NGEF: variants seen among roughly 807,000 people sequenced by gnomAD.
NGEF encodes ephexin-1.
NGEF carries 31 observed loss-of-function variants against 80.9 expected under a neutral mutation model. That is an observed-to-expected ratio of 0.38 (90% CI 0.29 to 0.52). The LOEUF (loss-of-function observed/expected upper bound fraction) is 0.52. Ranked by LOEUF, NGEF falls within the 20% of genes least tolerant of loss-of-function variation. NGEF has a pLI of 0.84. For synonymous variants in NGEF, 371 were observed against 370.2 expected (o/e 1.00, Z -0.03); for missense variants, 709 against 926.2 (o/e 0.77, Z 3.04).
At chr2:232,928,005 C>T (rs1202650126) in intron 3 of NGEF, 38 of 1,088,224 alleles carry the variant, frequency 3.5e-5, no homozygotes, top group Non-Finnish European at 4.3e-5. Context: ...TCCATAGGGT[C>T]GGCGGCGGGG....
intron 1 of NGEF, among the ~76,000 whole-genome samples, chr2:233,008,613 G>C (rs1421127620): frequency 1.3e-5 from 2 of 152,198 alleles, no homozygotes; most frequent in Non-Finnish European, 2.9e-5. Context: ...TGGTTCCCAA[G>C]CTTCTCTCAT....
rs1175150098 is a variant in NGEF at position 232,997,027 on chromosome 2, C to T, written c.-75+16041G>A. 5.9e-5 allele frequency among the ~76,000 whole-genome samples: 9 copies of T among 152,306 alleles called. No homozygotes were observed. In the South Asian group the frequency reaches 1.9e-3, roughly 32 times the overall value. ...TTTATGGAACTAGAATCATTCTGAA[C>T]GTTCTCTCTTGTGCCTGGCGTCCTT... On this transcript the variant is annotated intron_variant, in intron 1 of 14. Transcript: ENST00000264051.
At chr2:232,927,744 G>A in intron 3 of NGEF, 1 of 431,554 alleles carries the variant, frequency 2.3e-6, no homozygotes, top group East Asian at 4.0e-5. Flanking sequence ...GGGCCCGACG[G>A]GGCCCGGGGG....
At position 232,983,341 on chromosome 2, in the gene NGEF, C is replaced by T. The variant is rs141877746; in HGVS notation, c.-74-8377G>A. Among the ~76,000 whole-genome samples the T allele has an allele frequency of 1.6e-3, 236 of 152,024 alleles. 1 individual carries two copies. Among genetic ancestry groups the T allele is most frequent in the African/African-American group, 5.5e-3 (230 of 41,456 alleles). On this transcript the variant is annotated intron_variant, in intron 1 of 14. Transcript: ENST00000264051. Reference sequence around the variant, plus strand: ...TTCGGGAGGTAGAGAGGAGGGTCCCCGAGCGGTGAGGGAAGGAGGAGGGGA... The same window carrying T: ...TTCGGGAGGTAGAGAGGAGGGTCCCTGAGCGGTGAGGGAAGGAGGAGGGGA...
intron 3 of NGEF, among the ~76,000 whole-genome samples, chr2:232,938,741 GAAA>G (rs60179308): frequency 2.6e-4 from 31 of 121,168 alleles, no homozygotes; most frequent in East Asian, 4.9e-4. Context: ...CCTGTCTTAA[GAAA>G]AAAAAAAAAA....
At chr2:232,979,662 G>A (rs1474409493) in intron 1 of NGEF, among the ~76,000 whole-genome samples, 1 of 152,084 alleles carries the variant, frequency 6.6e-6, no homozygotes, top group African/African-American at 2.4e-5. Context: ...GATTGAGGGA[G>A]GGTGCAGCTC....
Position 232,896,993 on chromosome 2 carries a change from G to C in NGEF, c.829-2077C>G, listed in dbSNP as rs1162934724. ...TAGTGGTGGGGTTAAGGGTGAGGTA[G>C]GGGTGCGGGTGAGGGTAGGGGCGAG... On this transcript the variant is annotated intron_variant, in intron 5 of 14. Coordinates refer to ENST00000264051, the MANE Select transcript of NGEF (RefSeq NM_019850.3). 9.1e-5 allele frequency among the ~76,000 whole-genome samples: 12 copies of C among 131,416 alleles called. No individual in the cohort carries two copies. The South Asian group carries it at 1.1e-3, about 12-fold the overall frequency. 86.2% of individuals were successfully genotyped at this position (131,416 alleles called of 152,430 possible).
chr2:232,966,859 G>A (rs192789588), intron 3 of NGEF, among the ~76,000 whole-genome samples: 18 of 152,238 alleles, frequency 1.2e-4, no homozygotes, highest in South Asian at 2.1e-4. Context: ...GTGAGGGTGG[G>A]GGGGGAGGCG....
intron 3 of NGEF, among the ~76,000 whole-genome samples, chr2:232,943,521 A>T (rs1203651906): frequency 7.4e-6 from 1 of 136,052 alleles, no homozygotes; most frequent in Non-Finnish European, 1.6e-5. Context: ...TTTGAGACGG[A>T]GTCTCACTCT....
chr2:232,967,454 C>T (rs1694084829), intron 3 of NGEF, among the ~76,000 whole-genome samples: 1 of 152,074 alleles, frequency 6.6e-6, no homozygotes. Flanking sequence ...CGTGCCTCAG[C>T]CTCCCAAGTA....
At chr2:233,001,341 G>C (rs1280884012) in intron 1 of NGEF, among the ~76,000 whole-genome samples, 1 of 152,200 alleles carries the variant, frequency 6.6e-6, no homozygotes, top group Non-Finnish European at 1.5e-5. Flanking sequence ...CTTCTCTCAA[G>C]TGTGCAGTGC....
intron 5 of NGEF, among the ~76,000 whole-genome samples, chr2:232,906,946 T>C (rs897693997): frequency 6.6e-6 from 1 of 150,642 alleles, no homozygotes; most frequent in Non-Finnish European, 1.5e-5. Context: ...TTAAGGGCGG[T>C]GCAAGATGTG....
At chr2:232,903,755 AG>A (rs1692421690) in intron 5 of NGEF, among the ~76,000 whole-genome samples, 2 of 152,200 alleles carry the variant, frequency 1.3e-5, no homozygotes, top group African/African-American at 4.8e-5. Context: ...TGAATTGTTG[AG>A]GGTTTAATCT....
intron 3 of NGEF, among the ~76,000 whole-genome samples, chr2:232,961,649 C>T (rs144040884): frequency 9.6e-4 from 145 of 150,468 alleles, no homozygotes; most frequent in Middle Eastern, 3.4e-3. Context: ...CCCGCCACCA[C>T]GCCCAGCTAA....
intron 9 of NGEF, among the ~76,000 whole-genome samples, chr2:232,887,456 TC>T (rs1691728109): frequency 6.8e-6 from 1 of 146,966 alleles, no homozygotes; most frequent in African/African-American, 2.7e-5. Flanking sequence ...GGCCAGTGAA[TC>T]CCCTCACAGA....
Position 232,978,902 on chromosome 2 carries a change from A to G in NGEF, c.-74-3938T>C, listed in dbSNP as rs1694352398. 2.0e-5 allele frequency among the ~76,000 whole-genome samples: 3 copies of G among 152,264 alleles called. No individual in the cohort carries two copies. In the South Asian group the frequency reaches 6.2e-4, roughly 32 times the overall value. ...CCCGCCTAATACTTGTATTTTTTGT[A>G]GGGATGGGTTTTGCCATGCTGCCCA... On this transcript the variant is annotated intron_variant, in intron 1 of 14. Transcript: ENST00000264051.
intron 8 of NGEF, 130 bp downstream of exon 8, chr2:232,891,228 G>T (rs1049938839): frequency 8.8e-6 from 11 of 1,245,482 alleles, no homozygotes; most frequent in African/African-American, 1.5e-5. Context: ...CCAGGAACGT[G>T]CTTGGCACAC....
intron 1 of NGEF, among the ~76,000 whole-genome samples, chr2:232,995,072 C>CTGTATATGTGTACAGTA: frequency 2.0e-5 from 1 of 49,424 alleles, no homozygotes. Context: ...AGTATGTATA[C>CTGTATATGTGTACAGTA]TGTATATGTG....
chr2:232,956,665 G>T (rs967368681), intron 3 of NGEF, among the ~76,000 whole-genome samples: 1 of 151,896 alleles, frequency 6.6e-6, no homozygotes, highest in Non-Finnish European at 1.5e-5. Flanking sequence ...TACTTGGGAG[G>T]CTGAGGCAGG....
Sources: gnomAD v4.1 joint callset for allele counts (sites outside exome capture counted in the v4.1 genomes callset) on GRCh38, gnomAD v4.1.1 for gene constraint, MANE v1.5 for transcripts, NCBI Gene and HGNC (gene_info 2026-07-23, HGNC 2026-07-21) for gene names.